Variants in NCOR1 observed in about 807,000 individuals in gnomAD.
The protein encoded by NCOR1 is protein phosphatase 1, regulatory subunit 109.
In NCOR1, 63 loss-of-function variants were observed where a neutral mutation model predicts 288.1. The observed-to-expected ratio is 0.22, with a 90% CI of 0.18 to 0.27. NCOR1 has a LOEUF of 0.27. NCOR1 is among the 10% of genes least tolerant of loss of function. The pLI, the probability that NCOR1 is intolerant of heterozygous loss-of-function variation, is 1.00. For synonymous variants in NCOR1, 1,007 were observed against 1,065.9 expected, an observed-to-expected ratio of 0.94 and a Z score of 1.08; for missense variants, 2,397 against 3,019.2, an observed-to-expected ratio of 0.79 and a Z score of 4.83.
In NCOR1 at chr17:16,158,863, T is replaced by C; in HGVS notation, c.629A>G (p.Glu210Gly). Residue 210 changes from glutamate to glycine, a missense_variant, in exon 6 of 46, where the codon GAA becomes GGA. Physicochemically the swap from Glu to Gly is moderately conservative, Grantham distance 98. Coordinates refer to ENST00000268712, the MANE Select transcript of NCOR1 (RefSeq NM_006311.4). ...LKLKKKQQQL[E>G]EEAAKPPEPE... ...CTCAGGAGGTTTAGCTGCCTCTTCTTCAAGCTGTTGCTAAGAGATCCAGAA... is the reference window on the plus strand; with the variant it reads ...CTCAGGAGGTTTAGCTGCCTCTTCTCCAAGCTGTTGCTAAGAGATCCAGAA... 1 of 1,613,532 alleles carries C rather than the reference T, an allele frequency of 6.2e-7. No homozygotes were observed. Among genetic ancestry groups the C allele is most frequent in the Non-Finnish European group, 8.5e-7 (1 of 1,179,562 alleles).
Position 16,159,972 on chromosome 17 carries a change from G to A in NCOR1, c.619-1099C>T, listed in dbSNP as rs1039921302. Among the ~76,000 whole-genome samples the A allele has an allele frequency of 2.0e-5, 3 of 151,944 alleles. No homozygotes were observed. The South Asian group carries it at 6.2e-4, about 32-fold the overall frequency. On this transcript the variant is annotated intron_variant, in intron 5 of 45. Transcript: ENST00000268712. Reference sequence around the variant, plus strand: ...AGCCTCCTGAGTAGCTGGGATTACAGGCGGCCACCACCATGCCCGGCTAAT... The same window carrying A: ...AGCCTCCTGAGTAGCTGGGATTACAAGCGGCCACCACCATGCCCGGCTAAT...
At chr17:16,184,943 T>A (rs2086291074) in intron 3 of NCOR1, among the ~76,000 whole-genome samples, 1 of 149,560 alleles carries the variant, frequency 6.7e-6, no homozygotes, top group African/African-American at 2.5e-5. Context: ...CATTATGCTA[T>A]GTGAAATAAA....
In NCOR1 at chr17:16,072,207, G is replaced by A. The variant is rs1310576129; in HGVS notation, c.3833C>T (p.Pro1278Leu). The stretch of plus-strand genomic sequence containing the variant: ...GAGGTCAGAATGAGGACTCCCCCTG[G>A]GTAATGCTCGGCATATCAGCCCTTC... ...PLEGLICRAL[P>L]RGSPHSDLKE... Residue 1278 changes from proline to leucine, a missense_variant, in exon 29 of 46, where the codon CCC becomes CTC. Transcript: ENST00000268712. The A allele has an allele frequency of 6.2e-7, 1 of 1,611,176 alleles. No individual in the cohort carries two copies. The highest frequency in any genetic ancestry group is 1.3e-5 in the African/African-American group (1 of 74,776).
chr17:16,160,073 C>A (rs1041316096), intron 5 of NCOR1, among the ~76,000 whole-genome samples: 1 of 152,054 alleles, frequency 6.6e-6, no homozygotes, highest in African/African-American at 2.4e-5. Flanking sequence ...CTCAGGTGAT[C>A]CACCTGCCTT....
intron 22 of NCOR1, among the ~76,000 whole-genome samples, chr17:16,089,796 G>T (rs1464684306): frequency 6.6e-6 from 1 of 152,136 alleles, no homozygotes; most frequent in Non-Finnish European, 1.5e-5. Context: ...TATTTGAAAG[G>T]TTATCCTATA....
At position 16,127,253 on chromosome 17, in the gene NCOR1, A is replaced by ATG. The variant is rs1263494908; in HGVS notation, c.1510-1049_1510-1048dup. Among the ~76,000 whole-genome samples, 5 of 122,316 alleles carry ATG rather than the reference A, an allele frequency of 4.1e-5. 1 individual carries two copies. Among genetic ancestry groups the ATG allele is most frequent in the African/African-American group, 1.8e-4 (5 of 28,304 alleles). 80.2% of individuals were successfully genotyped at this position (122,316 alleles called of 152,430 possible). A position where few individuals can be genotyped will look rare whatever the true frequency, so the allele number is the denominator to read the frequency against. On this transcript the variant is annotated intron_variant, in intron 14 of 45. Transcript: ENST00000268712. ...CATGTATGCATATATGTATGTATAT[A>ATG]TGTGTGTGTATATATGTATGTATAT...
intron 45 of NCOR1, among the ~76,000 whole-genome samples, chr17:16,032,938 G>A (rs141119141): frequency 1.3e-5 from 2 of 152,274 alleles, no homozygotes; most frequent in Non-Finnish European, 2.9e-5. Context: ...GAATCTCACT[G>A]GGCAGATTTT....
intron 1 of NCOR1, among the ~76,000 whole-genome samples, chr17:16,200,495 C>CAAAAAA (rs55957034): frequency 1.6e-5 from 1 of 60,682 alleles, no homozygotes; most frequent in Non-Finnish European, 2.8e-5. Context: ...GACTCCATCT[C>CAAAAAA]AAAAAAAAAA....
At position 16,126,031 on chromosome 17, in the gene NCOR1, TAAAATA is replaced by T. The variant is rs369837239; in HGVS notation, c.1634+45_1634+50del. ...CTCCCTATATCTACAAAAATAAAAA[TAAAATA>T]AAAATAAACATTTAACTTATTATAT... On this transcript the variant is annotated intron_variant, in intron 15 of 45. Coordinates refer to ENST00000268712, the MANE Select transcript of NCOR1 (RefSeq NM_006311.4). 1.1e-3 allele frequency: 997 copies of T among 944,138 alleles called. 8 individuals carry two copies. The African/African-American group carries it at 0.015, about 14-fold the overall frequency. 58.5% of individuals were successfully genotyped at this position (944,138 alleles called of 1,614,324 possible).
At chr17:16,196,087 G>C (rs1024666176) in intron 1 of NCOR1, among the ~76,000 whole-genome samples, 1 of 149,658 alleles carries the variant, frequency 6.7e-6, no homozygotes, top group Non-Finnish European at 1.5e-5. Flanking sequence ...ACCTAATTGG[G>C]TGGTTTTAAA....
rs939073146 is a variant in NCOR1 at position 16,040,710 on chromosome 17, G to C, written c.6680-216C>G. On this transcript the variant is annotated intron_variant, in intron 42 of 45. Coordinates refer to ENST00000268712, the MANE Select transcript of NCOR1 (RefSeq NM_006311.4). ...CAGGCTATTTTTAAAGGGAAATCAG[G>C]AAATAGGTAAGGTAGGAACATCAAA... 12 of 578,270 alleles carry C rather than the reference G, an allele frequency of 2.1e-5. No homozygotes were observed. In the African/African-American group the frequency reaches 2.3e-4, roughly 11 times the overall value. The allele number at this position is 578,270 out of a possible 1,614,324, so 35.8% of individuals were successfully genotyped here. A position where few individuals can be genotyped will look rare whatever the true frequency, so the allele number is the denominator to read the frequency against.
intron 6 of NCOR1, among the ~76,000 whole-genome samples, chr17:16,155,917 A>G (rs990388577): frequency 9.9e-5 from 15 of 152,206 alleles, no homozygotes; most frequent in African/African-American, 3.4e-4. Context: ...TTCTAGGCCC[A>G]TTGTGCTCTC....
chr17:16,057,564 T>A lies in NCOR1; in HGVS notation c.6342A>T (p.Arg2114Ser). 6.2e-6 allele frequency: 10 copies of A among 1,614,180 alleles called. No homozygotes were observed. The highest frequency in any genetic ancestry group is 8.5e-6 in the Non-Finnish European group (10 of 1,180,032). Residue 2114 changes from arginine to serine, a missense_variant, in exon 40 of 46, where the codon AGA becomes AGT. Arg to Ser is a moderately radical substitution (Grantham distance 110, BLOSUM62 -1). Transcript: ENST00000268712. ...ESQAQSVHHQ[R>S]PGSRVSPENL... ...TTTCTGGAGAGACCCTTGAACCTGG[T>A]CTTTGATGATGGACAGACTGAGCCT...
chr17:16,131,768 A>G (rs2075677918), intron 14 of NCOR1, among the ~76,000 whole-genome samples: 1 of 152,240 alleles, frequency 6.6e-6, no homozygotes, highest in South Asian at 2.1e-4. Context: ...AAAGCTGTCA[A>G]TCACCAAAAA....
At chr17:16,134,101 G>A (rs1461822201) in intron 14 of NCOR1, among the ~76,000 whole-genome samples, 1 of 152,086 alleles carries the variant, frequency 6.6e-6, no homozygotes, top group African/African-American at 2.4e-5. Context: ...AAACCCCAGT[G>A]GCTTCTTCTC....
At chr17:16,075,731 A>G (rs768803438) in intron 26 of NCOR1, 29 bp from the exon 27 acceptor site, 2 of 1,612,366 alleles carry the variant, frequency 1.2e-6, no homozygotes. Context: ...TAAATAGCAG[A>G]GGAGTCACTC....
chr17:16,092,689 ATATATATTTTT>A (rs1212050492), intron 21 of NCOR1, among the ~76,000 whole-genome samples: 101 of 10,902 alleles, frequency 9.3e-3, no homozygotes, highest in East Asian at 0.028. Context: ...ATATATATAT[ATATATATTTTT>A]TTTTTTTTTT....
chr17:16,111,434 T>G (rs1023617457), intron 18 of NCOR1, among the ~76,000 whole-genome samples: 7 of 151,806 alleles, frequency 4.6e-5, no homozygotes, highest in Non-Finnish European at 8.8e-5. Context: ...AAACCCCGTC[T>G]CTACTAAAAA....
chr17:16,131,084 C>T (rs1187867198), intron 14 of NCOR1, among the ~76,000 whole-genome samples: 1 of 151,850 alleles, frequency 6.6e-6, no homozygotes, highest in Non-Finnish European at 1.5e-5. Flanking sequence ...AACTCCCAGG[C>T]TCAAGCGATG....
Sources: gnomAD v4.1 joint callset for allele counts (sites outside exome capture counted in the v4.1 genomes callset) on GRCh38, gnomAD v4.1.1 for gene constraint, MANE v1.5 for transcripts, NCBI Gene and HGNC (gene_info 2026-07-23, HGNC 2026-07-21) for gene names.